The following MARK3 variants were observed in gnomAD, a reference collection of about 807,000 sequenced individuals.
MARK3 encodes MAP/microtubule affinity-regulating kinase 3.
Under a neutral mutation model 90.1 loss-of-function variants are expected in MARK3, and 46 were observed. That is an observed-to-expected ratio of 0.51 (90% CI 0.40 to 0.65). MARK3 has a LOEUF of 0.65. MARK3 is among the 30% of genes least tolerant of loss of function. The probability of loss-of-function intolerance (pLI) is 0.00; values close to 1 mark genes in which losing one functional copy is unlikely to be tolerated. For missense variants in MARK3, 818 were observed against 947.2 expected, an observed-to-expected ratio of 0.86 and a Z score of 1.79; for synonymous variants, 321 against 332.6, an observed-to-expected ratio of 0.97 and a Z score of 0.38.
At chr14:103,491,539 G>A (rs761712730) in intron 14 of MARK3, 116 of 461,028 alleles carry the variant, frequency 2.5e-4, no homozygotes, top group Admixed American at 3.9e-4. Flanking sequence ...CATTAATCTT[G>A]TCCTTGAAAA....
intron 2 of MARK3, among the ~76,000 whole-genome samples, chr14:103,416,933 A>T (rs1444966871): frequency 6.6e-6 from 1 of 152,190 alleles, no homozygotes; most frequent in East Asian, 1.9e-4. Context: ...ATCTGCTACG[A>T]TGAGGAGATG....
At position 103,502,887 on chromosome 14, in the gene MARK3, A is replaced by T. The variant is rs773826573; in HGVS notation, c.1922A>T (p.Asn641Ile). Residue 641 changes from asparagine (N) to isoleucine (I), a missense_variant, in exon 18 of 18, where the codon AAT becomes ATT. This residue lies in a region of MARK3 where 560 missense variants were observed against 613.5 expected (regional missense o/e 0.91). Transcript: ENST00000429436. The stretch of plus-strand genomic sequence containing the variant: ...CCTGCCTCTATGCATTTCAGTCGCA[A>T]TGTATCTGCTGAGCAAAAAGATGAA... ...RNGRYEGSSR[N>I]VSAEQKDENK... 1 of 1,606,634 alleles carries T rather than the reference A, an allele frequency of 6.2e-7. No homozygotes were observed. The highest frequency in any genetic ancestry group is 1.7e-5 in the Admixed American group (1 of 59,580).
At chr14:103,476,922 C>T (rs558481392) in intron 13 of MARK3, among the ~76,000 whole-genome samples, 2 of 152,180 alleles carry the variant, frequency 1.3e-5, no homozygotes, top group Admixed American at 1.3e-4. Context: ...AATTCCGTCT[C>T]CAACGTTTGT....
intron 2 of MARK3, among the ~76,000 whole-genome samples, chr14:103,410,997 G>A (rs1377540923): frequency 2.6e-5 from 4 of 152,108 alleles, no homozygotes; most frequent in Admixed American, 6.5e-5. Flanking sequence ...TCTATAGGCC[G>A]GGTGCAGTGG....
chr14:103,460,030 A>C (rs2093363151), intron 6 of MARK3, among the ~76,000 whole-genome samples: 2 of 122,070 alleles, frequency 1.6e-5, no homozygotes, highest in African/African-American at 6.2e-5. Context: ...TTTTTGGTTG[A>C]GCTCATTCTT....
Position 103,466,332 on chromosome 14 carries a change from A to G in MARK3, c.898-11A>G, listed in dbSNP as rs539983752. On this transcript the variant is annotated splice_polypyrimidine_tract_variant and intron_variant, in intron 9 of 17. Coordinates refer to ENST00000429436, the MANE Select transcript of MARK3 (RefSeq NM_001128918.3). ...ATTTTACTCTGCTAATGAACAGTTT[A>G]CCTTTTTTAGCAAATCATGAAGGAC... 7 of 1,580,928 alleles carry G rather than the reference A, an allele frequency of 4.4e-6. No individual in the cohort carries two copies. In the African/African-American group the frequency reaches 9.4e-5, roughly 21 times the overall value.
At chr14:103,481,184 A>C (rs2093812080) in intron 14 of MARK3, among the ~76,000 whole-genome samples, 1 of 152,088 alleles carries the variant, frequency 6.6e-6, no homozygotes, top group African/African-American at 2.4e-5. Context: ...AGGTGGGGTT[A>C]GTCTGGGTGG....
At position 103,498,225 on chromosome 14, in the gene MARK3, T is replaced by C. The variant is rs571518194; in HGVS notation, c.1845-277T>C. On this transcript the variant is annotated intron_variant, in intron 15 of 17. Coordinates refer to ENST00000429436, the MANE Select transcript of MARK3 (RefSeq NM_001128918.3). ...TCTGTCTTTAAAAAAAAAAAAAAAGTGTGTCCATCTGAAGAACTTTTAATT... is the reference window on the plus strand; with the variant it reads ...TCTGTCTTTAAAAAAAAAAAAAAAGCGTGTCCATCTGAAGAACTTTTAATT... Among the ~76,000 whole-genome samples the C allele has an allele frequency of 3.3e-5, 5 of 150,574 alleles. No homozygotes were observed. In the South Asian group the frequency reaches 8.4e-4, roughly 25 times the overall value.
chr14:103,394,591 C>T (rs1282941336), intron 1 of MARK3, among the ~76,000 whole-genome samples: 1 of 152,112 alleles, frequency 6.6e-6, no homozygotes, highest in Non-Finnish European at 1.5e-5. Flanking sequence ...CCTTGAAGTT[C>T]AGTGTTGAAG....
intron 2 of MARK3, among the ~76,000 whole-genome samples, chr14:103,410,069 G>A (rs749749740): frequency 7.9e-5 from 12 of 152,114 alleles, no homozygotes; most frequent in African/African-American, 2.7e-4. Flanking sequence ...GTTCATTTTC[G>A]TACATGCTTC....
At chr14:103,485,553 A>T (rs2093914050) in intron 14 of MARK3, among the ~76,000 whole-genome samples, 1 of 152,122 alleles carries the variant, frequency 6.6e-6, no homozygotes, top group Non-Finnish European at 1.5e-5. Flanking sequence ...GTTTACAGGC[A>T]TGAGCCACCA....
chr14:103,491,077 T>C (rs2094007789), intron 14 of MARK3: 7 of 1,283,870 alleles, frequency 5.5e-6, no homozygotes, highest in South Asian at 1.2e-5. Context: ...TTACCTCCAA[T>C]AGACAGTGAA....
intron 2 of MARK3, chr14:103,417,359 T>A (rs1469359056): frequency 2.0e-5 from 3 of 152,170 alleles, no homozygotes; most frequent in African/African-American, 7.2e-5. Flanking sequence ...CTAGATTGAG[T>A]GAGCAGGAAG....
At chr14:103,481,717 G>A (rs1288664111) in intron 14 of MARK3, among the ~76,000 whole-genome samples, 3 of 148,574 alleles carry the variant, frequency 2.0e-5, no homozygotes, top group Admixed American at 1.4e-4. Context: ...TATAGCAGCT[G>A]GGGTAGATAG....
At chr14:103,498,997 T>C (rs1347380119) in intron 16 of MARK3, 1 of 152,326 alleles carries the variant, frequency 6.6e-6, no homozygotes, top group Non-Finnish European at 1.5e-5. Context: ...AAAACAAGCA[T>C]AAAATTCAAA....
chr14:103,413,586 C>T (rs1222654604), intron 2 of MARK3, among the ~76,000 whole-genome samples: 1 of 150,070 alleles, frequency 6.7e-6, no homozygotes. Context: ...CCGCACCTGG[C>T]TTATTTTATT....
chr14:103,495,131 A>G lies in MARK3; in HGVS notation c.1844+3097A>G, dbSNP rs576661181. On this transcript the variant is annotated intron_variant, in intron 15 of 17. Coordinates refer to ENST00000429436, the MANE Select transcript of MARK3 (RefSeq NM_001128918.3). ...ATCTCCATAGTCCACCCCATTTTGT[A>G]AAAGAAACTGAAGGTGAAGTTTGGA... is the stretch of plus-strand genomic sequence containing the variant. 3.3e-5 allele frequency among the ~76,000 whole-genome samples: 5 copies of G among 152,320 alleles called. No individual in the cohort carries two copies. The South Asian group carries it at 1.0e-3, about 32-fold the overall frequency.
rs1196678447 is a variant in MARK3 at position 103,472,616 on chromosome 14, C to T, written c.1265-2377C>T. 4.1e-5 allele frequency among the ~76,000 whole-genome samples: 6 copies of T among 146,078 alleles called. No individual in the cohort carries two copies. The South Asian group carries it at 6.6e-4, about 16-fold the overall frequency. Reference sequence around the variant, plus strand: ...GAGCCAAGATCATGCCACTGCACTCCAGCCTGGGCCAACAGAGCGAGGCTC... The same window carrying T: ...GAGCCAAGATCATGCCACTGCACTCTAGCCTGGGCCAACAGAGCGAGGCTC... On this transcript the variant is annotated intron_variant, in intron 12 of 17. Transcript: ENST00000429436.
chr14:103,469,554 C>T (rs189519850), intron 12 of MARK3, among the ~76,000 whole-genome samples: 89 of 151,288 alleles, frequency 5.9e-4, no homozygotes, highest in African/African-American at 2.1e-3. Flanking sequence ...GGCATGATCT[C>T]CGCTCACTGC....
Sources: gnomAD v4.1 joint callset for allele counts (sites outside exome capture counted in the v4.1 genomes callset) on GRCh38, gnomAD v4.1.1 for gene constraint, gnomAD v4.1.1 regional missense constraint, MANE v1.5 for transcripts, NCBI Gene and HGNC (gene_info 2026-07-23, HGNC 2026-07-21) for gene names.